ZNF704: variants seen among roughly 807,000 people sequenced by gnomAD.
ZNF704 encodes the protein zinc finger protein 704.
In ZNF704, 10 loss-of-function variants were observed where a neutral mutation model predicts 44.7. The observed-to-expected ratio is 0.22, with a 90% CI of 0.14 to 0.38. ZNF704 has a LOEUF of 0.38. ZNF704 is among the 10% of genes least tolerant of loss of function. ZNF704 has a pLI of 1.00. For missense variants in ZNF704, 390 were observed against 545.5 expected, an observed-to-expected ratio of 0.71 and a Z score of 2.84; for synonymous variants, 211 against 207.6, an observed-to-expected ratio of 1.02 and a Z score of -0.14.
intron 2 of ZNF704, among the ~76,000 whole-genome samples, chr8:80,708,669 G>A (rs1427177424): frequency 6.6e-6 from 1 of 152,202 alleles, no homozygotes; most frequent in African/African-American, 2.4e-5. Flanking sequence ...TCATACTTGT[G>A]TAGCAGCAGT....
At chr8:80,841,702 G>C (rs1249494062) in intron 1 of ZNF704, among the ~76,000 whole-genome samples, 1 of 152,120 alleles carries the variant, frequency 6.6e-6, no homozygotes, top group Non-Finnish European at 1.5e-5. Flanking sequence ...TGAACTCAAG[G>C]TGCCAGAGAG....
intron 2 of ZNF704, among the ~76,000 whole-genome samples, chr8:80,736,648 G>A (rs995470193): frequency 1.3e-5 from 2 of 152,118 alleles, no homozygotes; most frequent in Non-Finnish European, 2.9e-5. Flanking sequence ...CTGGCTATGG[G>A]GATGCAAAGG....
intron 2 of ZNF704, among the ~76,000 whole-genome samples, chr8:80,741,077 T>C (rs1806747683): frequency 6.6e-6 from 1 of 152,242 alleles, no homozygotes; most frequent in South Asian, 2.1e-4. Flanking sequence ...ATCCAGCATA[T>C]ACTGGCTTAT....
chr8:80,879,785 A>C, the ZNF704 span, among the ~76,000 whole-genome samples: 1 of 152,212 alleles, frequency 6.6e-6, no homozygotes, highest in Non-Finnish European at 1.5e-5. Flanking sequence ...ATAATTGTTC[A>C]ATCTAAGATG....
At chr8:80,746,343 AGGGTTTTAATAGG>A (rs1389293261) in intron 2 of ZNF704, among the ~76,000 whole-genome samples, 4 of 152,212 alleles carry the variant, frequency 2.6e-5, no homozygotes, top group African/African-American at 9.6e-5. Context: ...AAAAAAGTAC[AGGGTTTTAATAGG>A]GCAGACCTGG....
At position 80,639,214 on chromosome 8, in the gene ZNF704, C is replaced by G. The variant is rs1389480713; in HGVS notation, c.*2152G>C. ...AAAAACCTCTGGTCCAGGACTGTAC[C>G]CTGTCATTTAAACACATGGTGAACT... On this transcript the variant is annotated 3_prime_UTR_variant, in exon 9 of 9. Coordinates refer to ENST00000327835, the MANE Select transcript of ZNF704 (RefSeq NM_001033723.3). 1 of 152,210 alleles carries G rather than the reference C, an allele frequency of 6.6e-6. No individual in the cohort carries two copies. The highest frequency in any genetic ancestry group is 2.4e-5 in the African/African-American group (1 of 41,434). 9.4% of individuals were successfully genotyped at this position (152,210 alleles called of 1,614,324 possible).
chr8:80,882,176 T>G, the ZNF704 span, among the ~76,000 whole-genome samples: 1 of 152,190 alleles, frequency 6.6e-6, no homozygotes, highest in African/African-American at 2.4e-5. Flanking sequence ...ATGCACATTT[T>G]CTTGATACGT....
At chr8:80,701,522 T>G (rs1479484913) in intron 2 of ZNF704, among the ~76,000 whole-genome samples, 1 of 152,090 alleles carries the variant, frequency 6.6e-6, no homozygotes, top group Non-Finnish European at 1.5e-5. Flanking sequence ...TGTGCTGTCT[T>G]TATCCTCCTT....
chr8:80,791,383 C>T (rs569607085), intron 2 of ZNF704, among the ~76,000 whole-genome samples: 1 of 152,216 alleles, frequency 6.6e-6, no homozygotes, highest in South Asian at 2.1e-4. Context: ...AAGGAGATTC[C>T]CATCTCTAAT....
At chr8:80,876,445 G>A (rs1175388906), upstream of ZNF704, among the ~76,000 whole-genome samples, 3 of 152,204 alleles carry the variant, frequency 2.0e-5, no homozygotes, top group Non-Finnish European at 2.9e-5. Context: ...TTTAGAGTGA[G>A]GCAGCAGGAT....
chr8:80,753,319 G>A (rs547926746), intron 2 of ZNF704, among the ~76,000 whole-genome samples: 1 of 152,186 alleles, frequency 6.6e-6, no homozygotes, highest in Non-Finnish European at 1.5e-5. Flanking sequence ...CCTGCTGGAG[G>A]AGGGCAAGGA....
intron 7 of ZNF704, among the ~76,000 whole-genome samples, chr8:80,645,796 G>C (rs1159908523): frequency 6.6e-6 from 1 of 152,150 alleles, no homozygotes; most frequent in African/African-American, 2.4e-5. Context: ...TTATAGCAAT[G>C]CAAGTATGGC....
At chr8:80,655,332 A>T (rs1240556472) in intron 7 of ZNF704, among the ~76,000 whole-genome samples, 3 of 151,896 alleles carry the variant, frequency 2.0e-5, no homozygotes, top group East Asian at 1.9e-4. Flanking sequence ...ACTTTAATTT[A>T]AAAAAAAGAA....
At chr8:80,862,148 C>CA (rs1446934835) in intron 1 of ZNF704, among the ~76,000 whole-genome samples, 1 of 151,534 alleles carries the variant, frequency 6.6e-6, no homozygotes, top group African/African-American at 2.4e-5. Context: ...GGATTACAGG[C>CA]ACCCGCCACC....
intron 2 of ZNF704, among the ~76,000 whole-genome samples, chr8:80,815,923 A>G (rs959961767): frequency 6.6e-6 from 1 of 152,294 alleles, no homozygotes. Flanking sequence ...GAACATAACT[A>G]TGTTTCTAGC....
At chr8:80,751,130 A>G (rs762341871) in intron 2 of ZNF704, among the ~76,000 whole-genome samples, 18 of 152,166 alleles carry the variant, frequency 1.2e-4, no homozygotes, top group Admixed American at 4.6e-4. Context: ...ATATCTGGAC[A>G]TATTTATTAG....
chr8:80,749,770 A>G (rs1224755994), intron 2 of ZNF704: 1 of 152,378 alleles, frequency 6.6e-6, no homozygotes, highest in Non-Finnish European at 1.5e-5. Flanking sequence ...CAAACACTCA[A>G]TTAGCATTTG....
chr8:80,678,274 G>T (rs1225800461), intron 4 of ZNF704, among the ~76,000 whole-genome samples: 1 of 152,202 alleles, frequency 6.6e-6, no homozygotes, highest in Non-Finnish European at 1.5e-5. Context: ...TGGGAAGACT[G>T]TCAACTGTTT....
chr8:80,808,406 T>C (rs1056800686), intron 2 of ZNF704, among the ~76,000 whole-genome samples: 2 of 152,240 alleles, frequency 1.3e-5, no homozygotes, highest in Non-Finnish European at 2.9e-5. Context: ...AAAGTGCATC[T>C]CTTTTTAGGT....
Sources: allele counts gnomAD v4.1 joint callset (sites outside exome capture counted in the v4.1 genomes callset), GRCh38; gene constraint gnomAD v4.1.1; transcripts MANE v1.5; gene names NCBI Gene and HGNC (gene_info 2026-07-23, HGNC 2026-07-21).